Variants in PTPRD observed in about 807,000 individuals in gnomAD.
PTPRD encodes the protein protein tyrosine phosphatase receptor type D.
PTPRD carries 34 observed loss-of-function variants against 214.5 expected under a neutral mutation model. The ratio of observed to expected loss-of-function variants is 0.16; its 90% CI spans 0.12 to 0.21. The LOEUF is 0.21. Among genes scored for constraint, PTPRD ranks in the 10% least tolerant of loss-of-function variants. The pLI is 1.00. For missense variants in PTPRD, 2,545 were observed against 2,398.7 expected (o/e 1.06, Z -1.27); for synonymous variants, 1,128 against 845.7 (o/e 1.33, Z -5.79).
chr9:8,319,125 GC>G (rs1771069357), intron 45 of PTPRD, among the ~76,000 whole-genome samples: 1 of 152,004 alleles, frequency 6.6e-6, no homozygotes, highest in African/African-American at 2.4e-5. Context: ...CCAAACACTT[GC>G]ACTACTTTGA....
At chr9:9,088,833 T>C (rs1591413142) in intron 10 of PTPRD, among the ~76,000 whole-genome samples, 2 of 152,130 alleles carry the variant, frequency 1.3e-5, no homozygotes, top group East Asian at 3.9e-4. Context: ...TGTCACTTCA[T>C]AGCTATAGTT....
At chr9:9,215,837 A>G (rs889706434) in intron 9 of PTPRD, among the ~76,000 whole-genome samples, 1 of 152,204 alleles carries the variant, frequency 6.6e-6, no homozygotes, top group Non-Finnish European at 1.5e-5. Flanking sequence ...AGAACACCAC[A>G]ACAGTAAAAT....
intron 3 of PTPRD, among the ~76,000 whole-genome samples, chr9:10,134,911 T>C (rs1247088178): frequency 6.6e-6 from 1 of 152,112 alleles, no homozygotes; most frequent in Non-Finnish European, 1.5e-5. Flanking sequence ...GACATATAAT[T>C]CAGAATCTGG....
At chr9:9,270,189 C>A (rs1188376739) in intron 9 of PTPRD, among the ~76,000 whole-genome samples, 1 of 151,034 alleles carries the variant, frequency 6.6e-6, no homozygotes, top group African/African-American at 2.4e-5. Flanking sequence ...TCACGTTGCA[C>A]ACATTAAATA....
At chr9:9,934,647 AC>A (rs201297587) in intron 5 of PTPRD, among the ~76,000 whole-genome samples, 5,867 of 151,144 alleles carry the variant, frequency 0.039, 147 homozygotes, top group Non-Finnish European at 0.056. Flanking sequence ...TCGCAGAGGT[AC>A]AAGGAGGAAC....
chr9:9,633,583 T>TA, intron 7 of PTPRD, among the ~76,000 whole-genome samples: 1 of 152,170 alleles, frequency 6.6e-6, no homozygotes, highest in Non-Finnish European at 1.5e-5. Flanking sequence ...TCTCTCTCAG[T>TA]GAGAGATATT....
chr9:8,884,127 G>A (rs567879046), intron 11 of PTPRD, among the ~76,000 whole-genome samples: 1 of 152,322 alleles, frequency 6.6e-6, no homozygotes, highest in South Asian at 2.1e-4. Flanking sequence ...GTCATTTAAT[G>A]TCATGCTGCA....
At chr9:8,475,535 T>A (rs1044800280) in intron 30 of PTPRD, among the ~76,000 whole-genome samples, 5 of 152,174 alleles carry the variant, frequency 3.3e-5, no homozygotes, top group African/African-American at 1.2e-4. Flanking sequence ...CAGACTCATA[T>A]CTTTAGCCAA....
intron 11 of PTPRD, among the ~76,000 whole-genome samples, chr9:8,736,253 C>G (rs1319724375): frequency 6.6e-6 from 1 of 152,096 alleles, no homozygotes; most frequent in Non-Finnish European, 1.5e-5. Flanking sequence ...AATAATTGTA[C>G]CTATAGAACC....
rs955390517 is a variant in PTPRD, at chr9:8,641,601, G to A, written c.65-4757C>T. The stretch of plus-strand genomic sequence containing the variant: ...GTAGAGAAGCTACGCATGCATATGC[G>A]TCACAACAGAGACATGGCCGATATT... On this transcript the variant is annotated intron_variant, in intron 12 of 45. Coordinates refer to ENST00000381196, the MANE Select transcript of PTPRD (RefSeq NM_002839.4). Among the ~76,000 whole-genome samples the A allele has an allele frequency of 4.5e-5, 6 of 133,536 alleles. 1 individual carries two copies. The highest frequency in any genetic ancestry group is 4.2e-4 in the South Asian group (2 of 4,804). 87.6% of individuals were successfully genotyped at this position (133,536 alleles called of 152,430 possible). A position where few individuals can be genotyped will look rare whatever the true frequency, so the allele number is the denominator to read the frequency against.
chr9:9,750,633 A>G (rs1466932403), intron 6 of PTPRD, among the ~76,000 whole-genome samples: 1 of 152,034 alleles, frequency 6.6e-6, no homozygotes, highest in Non-Finnish European at 1.5e-5. Context: ...GGGTGTGGGT[A>G]TGTGTGTGTG....
At chr9:9,577,287 G>C (rs1439890717) in intron 7 of PTPRD, among the ~76,000 whole-genome samples, 1 of 152,178 alleles carries the variant, frequency 6.6e-6, no homozygotes, top group Non-Finnish European at 1.5e-5. Context: ...GCATTGGCTG[G>C]GCATGGTGGC....
chr9:8,751,909 A>G (rs1348261527), intron 11 of PTPRD, among the ~76,000 whole-genome samples: 3 of 152,190 alleles, frequency 2.0e-5, no homozygotes, highest in African/African-American at 2.4e-5. Context: ...CTCAAGTAGA[A>G]AAGTCTATTC....
chr9:9,240,382 T>C (rs2099969758), intron 9 of PTPRD, among the ~76,000 whole-genome samples: 1 of 152,110 alleles, frequency 6.6e-6, no homozygotes, highest in Admixed American at 6.6e-5. Context: ...AACATAAAAA[T>C]TCTTTCTAGG....
At chr9:9,576,140 C>G (rs2088682634) in intron 7 of PTPRD, among the ~76,000 whole-genome samples, 2 of 152,048 alleles carry the variant, frequency 1.3e-5, no homozygotes, top group South Asian at 4.1e-4. Context: ...GTGTTTTTCT[C>G]AGTTTATGCA....
Position 10,146,149 on chromosome 9 carries a change from C to T in PTPRD, c.-544-112359G>A, listed in dbSNP as rs922972185. On this transcript the variant is annotated intron_variant, in intron 3 of 45. Coordinates refer to ENST00000381196, the MANE Select transcript of PTPRD (RefSeq NM_002839.4). Reference sequence around the variant, plus strand: ...AAAGCTAAAAATTAAGTGAAATCATCCATATATATATATATATATGTATAT... The same window carrying T: ...AAAGCTAAAAATTAAGTGAAATCATTCATATATATATATATATATGTATAT... Among the ~76,000 whole-genome samples, 7 of 69,768 alleles carry T rather than the reference C, an allele frequency of 1.0e-4. No homozygotes were observed. In the South Asian group the frequency reaches 6.8e-3, roughly 68 times the overall value. The allele number at this position is 69,768 out of a possible 152,430, so 45.8% of individuals were successfully genotyped here.
At chr9:8,667,842 T>C (rs935919232) in intron 12 of PTPRD, among the ~76,000 whole-genome samples, 3 of 152,100 alleles carry the variant, frequency 2.0e-5, no homozygotes, top group Non-Finnish European at 4.4e-5. Flanking sequence ...TCAACCTGTA[T>C]CATAATTACC....
In PTPRD at chr9:8,341,908, T is replaced by G. The variant is rs1308077942; in HGVS notation, c.4732A>C (p.Thr1578Pro). The part of the protein sequence containing the change: ...AMLERIKHEK[T>P]VDIYGHVTLM... ...GTTACATGGCCATAAATATCTACAG[T>G]TTTTTCATGCTTTATTCTTTCTAAC... is the stretch of plus-strand genomic sequence containing the variant. Residue 1578 changes from threonine (T) to proline (P), a missense_variant, in exon 40 of 46, where the codon ACT becomes CCT. By Grantham distance (38) the Thr-to-Pro change is conservative. Transcript: ENST00000381196. The G allele has an allele frequency of 6.2e-7, 1 of 1,613,078 alleles. No homozygotes were observed. The highest frequency in any genetic ancestry group is 8.5e-7 in the Non-Finnish European group (1 of 1,179,598).
chr9:9,442,505 T>C (rs1424686632), intron 8 of PTPRD: 1 of 152,184 alleles, frequency 6.6e-6, no homozygotes, highest in African/African-American at 2.4e-5. Context: ...AGAAAACAGA[T>C]ACTGTAATTT....
Sources: allele counts gnomAD v4.1 joint callset (sites outside exome capture counted in the v4.1 genomes callset), GRCh38; gene constraint gnomAD v4.1.1; transcripts MANE v1.5; gene names NCBI Gene and HGNC (gene_info 2026-07-23, HGNC 2026-07-21).